Variants in VIPAS39 observed in about 807,000 individuals in gnomAD.
VIPAS39 encodes spermatogenesis-defective protein 39 homolog.
In VIPAS39, 63 loss-of-function variants were observed where a neutral mutation model predicts 84.7. The observed-to-expected ratio is 0.74, with a 90% CI of 0.61 to 0.92. The LOEUF is 0.92. Among genes scored for constraint, VIPAS39 ranks in the 40% least tolerant of loss-of-function variants. The probability of loss-of-function intolerance (pLI) is 0.00; values close to 1 mark genes in which losing one functional copy is unlikely to be tolerated. For synonymous variants in VIPAS39, 192 were observed against 216.5 expected, an observed-to-expected ratio of 0.89 and a Z score of 0.99; for missense variants, 499 against 604.5, an observed-to-expected ratio of 0.83 and a Z score of 1.83.
chr14:77,427,234 G>A lies in VIPAS39; in HGVS notation c.*382C>T, dbSNP rs1246238005. 1 of 285,506 alleles carries A rather than the reference G, an allele frequency of 3.5e-6. No individual in the cohort carries two copies. The highest frequency in any genetic ancestry group is 6.8e-6 in the Non-Finnish European group (1 of 147,558). 17.7% of individuals were successfully genotyped at this position (285,506 alleles called of 1,614,324 possible). ...CAGAACTGCCAATGTCCAGCGCCAA[G>A]TCCTGGATCATAATTAGCTGAGTGG... On this transcript the variant is annotated 3_prime_UTR_variant, in exon 20 of 20. Transcript: ENST00000557658.
At chr14:77,434,327 CTTTAGTGATA>C (rs749639513) in intron 14 of VIPAS39, 24 bp from the exon 15 acceptor site, 7 of 1,613,216 alleles carry the variant, frequency 4.3e-6, no homozygotes, top group Non-Finnish European at 5.9e-6. Context: ...GAAAAAGGAA[CTTTAGTGATA>C]TTGACTTTCC....
At chr14:77,444,695 C>A (rs543121266) in intron 7 of VIPAS39, among the ~76,000 whole-genome samples, 1 of 152,028 alleles carries the variant, frequency 6.6e-6, no homozygotes, top group Admixed American at 6.6e-5. Flanking sequence ...GCCTCAGCGT[C>A]CTAAGTAGCT....
intron 14 of VIPAS39, among the ~76,000 whole-genome samples, chr14:77,434,655 G>A (rs139349861): frequency 1.2e-3 from 180 of 152,190 alleles, no homozygotes; most frequent in African/African-American, 4.2e-3. Context: ...CACTTTGGGA[G>A]GCTGAGGCAG....
At chr14:77,454,409 T>G (rs2078929469) in intron 1 of VIPAS39, among the ~76,000 whole-genome samples, 1 of 152,212 alleles carries the variant, frequency 6.6e-6, no homozygotes. Context: ...GTGCAGTGGC[T>G]CAGGCCTTTA....
At position 77,440,788 on chromosome 14, in the gene VIPAS39, A is replaced by C. The variant is rs548263008; in HGVS notation, c.762+278T>G. Among the ~76,000 whole-genome samples the C allele has an allele frequency of 1.4e-3, 213 of 152,266 alleles. 1 individual carries two copies. The highest frequency in any genetic ancestry group is 2.2e-3 in the Non-Finnish European group (152 of 68,040). ...GGCTGGAGTGCAATGGCACGATCTC[A>C]GATCACTGCAACCTCCCCATCCCAG... is the stretch of plus-strand genomic sequence containing the variant. On this transcript the variant is annotated intron_variant, in intron 11 of 19. Transcript: ENST00000557658.
At chr14:77,432,498 A>G (rs1031339956) in intron 16 of VIPAS39, among the ~76,000 whole-genome samples, 4 of 152,234 alleles carry the variant, frequency 2.6e-5, no homozygotes, top group Admixed American at 1.3e-4. Context: ...TATTCACAAG[A>G]GCCAAGATAT....
In VIPAS39 at chr14:77,427,368, C is replaced by T; in HGVS notation, c.*248G>A. ...TAGGGGCCCAATCTAGAAATCACTC[C>T]CACCTTCATATGAGCACCAGGTGGA... On this transcript the variant is annotated 3_prime_UTR_variant, in exon 20 of 20. Coordinates refer to ENST00000557658, the MANE Select transcript of VIPAS39 (RefSeq NM_001193315.2). 2 of 560,678 alleles carry T rather than the reference C, an allele frequency of 3.6e-6. No individual in the cohort carries two copies. Among genetic ancestry groups the T allele is most frequent in the Non-Finnish European group, 6.4e-6 (2 of 314,396 alleles). The allele number at this position is 560,678 out of a possible 1,614,324, so 34.7% of individuals were successfully genotyped here.
intron 5 of VIPAS39, 29 bp downstream of exon 5, chr14:77,449,685 C>G: frequency 6.2e-7 from 1 of 1,613,994 alleles, no homozygotes; most frequent in Non-Finnish European, 8.5e-7. Flanking sequence ...ACATTTCCCA[C>G]AGCAATTAAA....
chr14:77,439,279 T>G (rs2078663413), intron 11 of VIPAS39, among the ~76,000 whole-genome samples: 1 of 152,286 alleles, frequency 6.6e-6, no homozygotes, highest in African/African-American at 2.4e-5. Context: ...CAAAACACAT[T>G]TATTCTCACT....
At position 77,433,878 on chromosome 14, in the gene VIPAS39, T is replaced by G. The variant is rs772462216; in HGVS notation, c.1143A>C (p.Arg381=). The change falls in exon 16 of 20, where the codon CGA becomes CGC. Residue 381 remains arginine, a synonymous_variant. Transcript: ENST00000557658. ...ATAGGGCATCTACATCATTCCAGGC[T>G]CGAAGCTTGGCACGAGCAGCCAGGG... ...LTALAARAKL[R]AWNDVDALFT... 6.2e-7 allele frequency: 1 copy of G among 1,613,980 alleles called. No homozygotes were observed. The highest frequency in any genetic ancestry group is 8.5e-7 in the Non-Finnish European group (1 of 1,179,952).
In VIPAS39 at chr14:77,441,239, T is replaced by C. The variant is rs73316947; in HGVS notation, c.735-146A>G. The C allele has an allele frequency of 3.5e-3, 3,013 of 859,362 alleles. 32 individuals carry two copies. Among genetic ancestry groups the C allele is most frequent in the African/African-American group, 0.024 (1,418 of 59,468 alleles). The allele number at this position is 859,362 out of a possible 1,614,324, so 53.2% of individuals were successfully genotyped here. A position where few individuals can be genotyped will look rare whatever the true frequency, so the allele number is the denominator to read the frequency against. On this transcript the variant is annotated intron_variant, in intron 10 of 19. Coordinates refer to ENST00000557658, the MANE Select transcript of VIPAS39 (RefSeq NM_001193315.2). ...AAGATAAATGGTTGATCAGATATCA[T>C]TGTTCCCCTGGTCTCTCTGGCTGAA...
chr14:77,454,985 A>G (rs1475270433), intron 1 of VIPAS39, among the ~76,000 whole-genome samples: 3 of 152,258 alleles, frequency 2.0e-5, no homozygotes, highest in East Asian at 1.9e-4. Context: ...AAGAACGGAA[A>G]GCAAAGCAAT....
chr14:77,442,768 A>G, intron 9 of VIPAS39, 106 bp from the exon 10 acceptor site: 1 of 1,037,208 alleles, frequency 9.6e-7, no homozygotes, highest in Non-Finnish European at 1.5e-6. Flanking sequence ...ATCAAACCCT[A>G]ACAAAAGCTA....
intron 16 of VIPAS39, among the ~76,000 whole-genome samples, chr14:77,431,815 T>G (rs1043979569): frequency 6.6e-6 from 1 of 152,252 alleles, no homozygotes; most frequent in African/African-American, 2.4e-5. Context: ...ATTCATGAGA[T>G]GTTAACTATT....
chr14:77,457,095 T>C, intron 1 of VIPAS39: 2 of 1,405,522 alleles, frequency 1.4e-6, no homozygotes, highest in South Asian at 1.6e-5. Flanking sequence ...AACCACCTAC[T>C]GAGAAGTCAG....
intron 3 of VIPAS39, among the ~76,000 whole-genome samples, chr14:77,452,108 C>G (rs1646646236): frequency 6.6e-6 from 1 of 151,782 alleles, no homozygotes; most frequent in Non-Finnish European, 1.5e-5. Flanking sequence ...TAAACCCATA[C>G]AATTTAATAC....
At chr14:77,449,238 T>A in intron 6 of VIPAS39, 55 bp downstream of exon 6, 3 of 1,560,050 alleles carry the variant, frequency 1.9e-6, no homozygotes, top group South Asian at 2.2e-5. Flanking sequence ...AGGTAACATA[T>A]GTCAAGGTAC....
rs911035050 is a variant in VIPAS39, at chr14:77,434,710, G to A, written c.1048-407C>T. ...GTTCAACACCAGCCTGGCCAACATG[G>A]TGAAACCCTGTCTCTACTAAAAATA... On this transcript the variant is annotated intron_variant, in intron 14 of 19. Coordinates refer to ENST00000557658, the MANE Select transcript of VIPAS39 (RefSeq NM_001193315.2). Among the ~76,000 whole-genome samples the A allele has an allele frequency of 3.3e-5, 5 of 151,584 alleles. No individual in the cohort carries two copies. The East Asian group carries it at 9.6e-4, about 29-fold the overall frequency.
At chr14:77,436,147 T>C (rs1270983298) in intron 12 of VIPAS39, among the ~76,000 whole-genome samples, 1 of 152,194 alleles carries the variant, frequency 6.6e-6, no homozygotes, top group Non-Finnish European at 1.5e-5. Flanking sequence ...AAAATACTTA[T>C]AGTCACTCAT....
Sources: allele counts gnomAD v4.1 joint callset (sites outside exome capture counted in the v4.1 genomes callset), GRCh38; gene constraint gnomAD v4.1.1; transcripts MANE v1.5; gene names NCBI Gene and HGNC (gene_info 2026-07-23, HGNC 2026-07-21).